The following NPAS2 variants were observed in gnomAD, a reference collection of about 807,000 sequenced individuals.
NPAS2 encodes the protein neuronal PAS domain-containing protein 2.
In NPAS2, 23 loss-of-function variants were observed where a neutral mutation model predicts 107.5. The ratio of observed to expected loss-of-function variants is 0.21; its 90% CI spans 0.15 to 0.30. The LOEUF is 0.30. NPAS2 is among the 10% of genes least tolerant of loss of function. The probability of loss-of-function intolerance (pLI) is 1.00; values close to 1 mark genes in which losing one functional copy is unlikely to be tolerated. For synonymous variants in NPAS2, 403 were observed against 417.5 expected (o/e 0.97, Z 0.42); for missense variants, 756 against 1,043.3 (o/e 0.72, Z 3.79).
intron 1 of NPAS2, among the ~76,000 whole-genome samples, chr2:100,903,998 C>T (rs915883496): frequency 1.3e-5 from 2 of 152,140 alleles, no homozygotes; most frequent in Non-Finnish European, 2.9e-5. Flanking sequence ...TGAGGAAGAA[C>T]ATTCCTGGAT....
chr2:100,850,750 C>T (rs7603302), intron 1 of NPAS2, among the ~76,000 whole-genome samples: 116,186 of 151,776 alleles, frequency 0.77, 44,932 homozygotes, highest in African/African-American at 0.84. Flanking sequence ...ATCAGGCATT[C>T]GAGGCCAGCC....
chr2:100,864,789 A>C (rs1282796001), intron 1 of NPAS2, among the ~76,000 whole-genome samples: 1 of 152,220 alleles, frequency 6.6e-6, no homozygotes, highest in Non-Finnish European at 1.5e-5. Context: ...AGAATTATTG[A>C]GAATCCCAAA....
Position 100,995,576 on chromosome 2 carries a change from C to G in NPAS2, c.2469C>G (p.Pro823=). The change falls in exon 21 of 21, where the codon CCC becomes CCG. Residue 823 remains proline (P), a synonymous_variant. Coordinates refer to ENST00000335681, the MANE Select transcript of NPAS2 (RefSeq NM_002518.4). The stretch of plus-strand genomic sequence containing the variant: ...AGTCGTCAGGCCTCCAGCAGCCGCC[C>G]CGATAATGCCCCGGCACTGAAGTCG... ...LSESSGLQQP[P]R is the part of the protein sequence containing the mutation. 1 of 1,604,454 alleles carries G rather than the reference C, an allele frequency of 6.2e-7. No homozygotes were observed. The highest frequency in any genetic ancestry group is 8.5e-7 in the Non-Finnish European group (1 of 1,175,036).
chr2:100,940,935 G>C (rs997646819), intron 5 of NPAS2, among the ~76,000 whole-genome samples: 1 of 152,170 alleles, frequency 6.6e-6, no homozygotes, highest in Non-Finnish European at 1.5e-5. Context: ...GGGTAGTCAG[G>C]GGGCAGGAGG....
At chr2:100,917,942 A>G (rs1682991326) in intron 2 of NPAS2, among the ~76,000 whole-genome samples, 1 of 152,224 alleles carries the variant, frequency 6.6e-6, no homozygotes, top group Admixed American at 6.5e-5. Flanking sequence ...TTTGGAGTTT[A>G]TTTTATGAGA....
At chr2:100,975,374 C>CTCTTGT in intron 13 of NPAS2, 84 bp from the exon 14 acceptor site, 2 of 1,215,220 alleles carry the variant, frequency 1.6e-6, no homozygotes, top group Non-Finnish European at 2.4e-6. Flanking sequence ...TTGTACTGTG[C>CTCTTGT]ACACCACGGT....
chr2:100,937,099 A>G (rs1035651543), intron 4 of NPAS2, among the ~76,000 whole-genome samples: 1 of 152,010 alleles, frequency 6.6e-6, no homozygotes, highest in Admixed American at 6.5e-5. Context: ...TAGAGTAGGC[A>G]CTCAGTAGAG....
chr2:100,907,534 G>A lies in NPAS2; in HGVS notation c.32+2748G>A, dbSNP rs576697885. On this transcript the variant is annotated intron_variant, in intron 2 of 20. Coordinates refer to ENST00000335681, the MANE Select transcript of NPAS2 (RefSeq NM_002518.4). ...CACACACACACACACCCCTAAGATC[G>A]TATTCTTTTCAAAGTAGTTTTTATA... 1.3e-4 allele frequency among the ~76,000 whole-genome samples: 20 copies of A among 148,180 alleles called. No individual in the cohort carries two copies. In the South Asian group the frequency reaches 2.0e-3, roughly 15 times the overall value.
At chr2:100,878,023 G>A (rs962011288) in intron 1 of NPAS2, 2 of 985,310 alleles carry the variant, frequency 2.0e-6, no homozygotes, top group South Asian at 4.7e-5. Flanking sequence ...GCTAATACCA[G>A]AGTGCTGTTC....
chr2:100,896,206 G>A (rs918694669), intron 1 of NPAS2, among the ~76,000 whole-genome samples: 6 of 152,198 alleles, frequency 3.9e-5, no homozygotes, highest in Admixed American at 6.5e-5. Context: ...GCTGCATTGT[G>A]TTAGGAATGA....
chr2:100,866,210 G>A (rs951014349), intron 1 of NPAS2, among the ~76,000 whole-genome samples: 5 of 152,106 alleles, frequency 3.3e-5, no homozygotes, highest in African/African-American at 1.2e-4. Flanking sequence ...AGTTGATCAG[G>A]GCAAAGCATT....
intron 7 of NPAS2, among the ~76,000 whole-genome samples, chr2:100,950,667 T>A (rs906705054): frequency 3.3e-5 from 5 of 152,352 alleles, no homozygotes; most frequent in African/African-American, 1.2e-4. Flanking sequence ...GCCAGCATGA[T>A]TTTCAGGTCC....
At chr2:100,897,011 T>TA (rs1012938638) in intron 1 of NPAS2, among the ~76,000 whole-genome samples, 68 of 152,302 alleles carry the variant, frequency 4.5e-4, no homozygotes, top group African/African-American at 1.4e-3. Context: ...GCAGGAAACT[T>TA]ACAATCATGG....
Position 100,932,920 on chromosome 2 carries a change from G to A in NPAS2, c.192G>A (p.Ala64=), listed in dbSNP as rs530858594. 1.7e-5 allele frequency: 27 copies of A among 1,613,110 alleles called. No individual in the cohort carries two copies. The African/African-American group carries it at 1.9e-4, about 11-fold the overall frequency. ...GTGTCTCTTTTCTAGAAGTCTCAGCGCAAACGGAAATCTGTGACATTCAGC... is the reference window on the plus strand; with the variant it reads ...GTGTCTCTTTTCTAGAAGTCTCAGCACAAACGGAAATCTGTGACATTCAGC... ...GFLQKHNEVS[A]QTEICDIQQD... is the part of the protein sequence containing the mutation. Residue 64 remains alanine, a synonymous_variant, in exon 4 of 21, where the codon GCG becomes GCA. Transcript: ENST00000335681.
At chr2:100,977,960 C>A (rs566498359) in intron 15 of NPAS2, among the ~76,000 whole-genome samples, 161 bp downstream of exon 15, 34 of 152,340 alleles carry the variant, frequency 2.2e-4, no homozygotes, top group Middle Eastern at 3.4e-3. Flanking sequence ...AGGTTCCCCC[C>A]ACACCCACCC....
At chr2:100,957,700 G>A (rs1195872393) in intron 7 of NPAS2, among the ~76,000 whole-genome samples, 1 of 152,190 alleles carries the variant, frequency 6.6e-6, no homozygotes, top group Admixed American at 6.5e-5. Context: ...GCCGAGGCGG[G>A]CGGATCACGA....
chr2:100,838,786 A>G (rs899161489), intron 1 of NPAS2, among the ~76,000 whole-genome samples: 2 of 152,164 alleles, frequency 1.3e-5, no homozygotes, highest in African/African-American at 4.8e-5. Flanking sequence ...TGCTTTGAAA[A>G]TTGTTAGTAC....
chr2:100,910,963 C>G (rs186816017), intron 2 of NPAS2, among the ~76,000 whole-genome samples: 29 of 152,286 alleles, frequency 1.9e-4, no homozygotes, highest in Non-Finnish European at 3.4e-4. Flanking sequence ...AGACTCTAAG[C>G]CTGGGCACAG....
At chr2:100,988,334 G>A in intron 17 of NPAS2, 58 bp downstream of exon 17, 2 of 1,456,972 alleles carry the variant, frequency 1.4e-6, no homozygotes, top group Non-Finnish European at 1.9e-6. Context: ...CCCTCTTGCA[G>A]TTTGGGACAT....
Sources: allele counts gnomAD v4.1 joint callset (sites outside exome capture counted in the v4.1 genomes callset), GRCh38; gene constraint gnomAD v4.1.1; transcripts MANE v1.5; gene names NCBI Gene and HGNC (gene_info 2026-07-23, HGNC 2026-07-21).